Variants in POLR2F observed in about 807,000 individuals in gnomAD.
POLR2F encodes the protein DNA-directed RNA polymerases I, II, and III subunit RPABC2.
POLR2F carries 12 observed loss-of-function variants against 22.7 expected under a neutral mutation model. The observed-to-expected ratio is 0.53, with a 90% CI of 0.34 to 0.86. The LOEUF is 0.86. Among genes scored for constraint, POLR2F ranks in the 40% least tolerant of loss-of-function variants. POLR2F has a pLI of 0.02. For missense variants in POLR2F, 126 were observed against 171.5 expected, an observed-to-expected ratio of 0.73 and a Z score of 1.48; for synonymous variants, 57 against 66.0, an observed-to-expected ratio of 0.86 and a Z score of 0.66.
intron 1 of POLR2F, among the ~76,000 whole-genome samples, chr22:38,002,634 G>A (rs143635830): frequency 1.2e-3 from 190 of 152,360 alleles, no homozygotes; most frequent in African/African-American, 4.0e-3. Context: ...TGGGGGCAAC[G>A]GAGAAGGGCT....
downstream of POLR2F, among the ~76,000 whole-genome samples, chr22:38,027,492 C>A (rs917826839): frequency 6.6e-6 from 1 of 152,090 alleles, no homozygotes; most frequent in Admixed American, 6.5e-5. Flanking sequence ...AGTTCACTGT[C>A]CACAACCTTT....
At chr22:38,030,492 C>A (rs2085054396), downstream of POLR2F, among the ~76,000 whole-genome samples, 1 of 152,148 alleles carries the variant, frequency 6.6e-6, no homozygotes, top group African/African-American at 2.4e-5. Context: ...CAGCGCACTG[C>A]CACACCCTGG....
At chr22:37,994,575 G>T (rs2084693590) in intron 1 of POLR2F, among the ~76,000 whole-genome samples, 1 of 152,166 alleles carries the variant, frequency 6.6e-6, no homozygotes, top group African/African-American at 2.4e-5. Context: ...CTGGAGTGCA[G>T]TGGAGTGATC....
chr22:38,003,162 G>T (rs1023027837), intron 1 of POLR2F, among the ~76,000 whole-genome samples: 3 of 152,218 alleles, frequency 2.0e-5, no homozygotes, highest in African/African-American at 7.2e-5. Flanking sequence ...ACAGGGGAGG[G>T]GTTAGGGTAA....
downstream of POLR2F, chr22:37,971,173 G>C (rs1162014128): frequency 6.0e-5 from 28 of 464,506 alleles, no homozygotes; most frequent in East Asian, 2.0e-3. Context: ...GCAGAAGCAG[G>C]GGCTGCAAAC....
intron 1 of POLR2F, among the ~76,000 whole-genome samples, chr22:38,007,488 G>C (rs763244698): frequency 1.3e-5 from 2 of 152,246 alleles, no homozygotes; most frequent in Non-Finnish European, 2.9e-5. Flanking sequence ...AGGAATGCTG[G>C]GAGCCTGGGA....
chr22:38,005,805 C>CGTCT (rs2084816052), intron 1 of POLR2F, among the ~76,000 whole-genome samples: 1 of 152,210 alleles, frequency 6.6e-6, no homozygotes, highest in Admixed American at 6.5e-5. Context: ...AGAACTTAGA[C>CGTCT]AAGTATAGTC....
At chr22:37,983,383 G>C, upstream of POLR2F, 1 of 1,609,742 alleles carries the variant, frequency 6.2e-7, no homozygotes, top group Non-Finnish European at 8.5e-7. This position sits in a 1 kb window ranked among gnomAD's most constrained non-coding sequence, Gnocchi z 9.5. Context: ...GCGTCTTGCT[G>C]AGCTCAGCGT....
At chr22:38,005,942 G>A (rs1278634618) in intron 1 of POLR2F, among the ~76,000 whole-genome samples, 1 of 152,210 alleles carries the variant, frequency 6.6e-6, no homozygotes. Flanking sequence ...AAAACCTTGG[G>A]CCAGATGTGG....
At position 37,997,918 on chromosome 22, in the gene POLR2F, C is replaced by T. The variant is rs750984470; in HGVS notation, c.120+11606C>T. Among the ~76,000 whole-genome samples the T allele has an allele frequency of 1.2e-4, 19 of 152,180 alleles. No individual in the cohort carries two copies. The highest frequency in any genetic ancestry group is 2.4e-4 in the Non-Finnish European group (16 of 68,032). ...GAGTCATGGACCGCAGGATTTGTAC[C>T]ATCTCCTGGCGCGAGAGCCAGGGTT... On this transcript the variant is annotated intron_variant, in intron 1 of 2. Transcript: ENST00000333418. This position sits in a 1 kb window ranked among gnomAD's most constrained non-coding sequence, Gnocchi z 4.4.
intron 1 of POLR2F, among the ~76,000 whole-genome samples, chr22:37,990,222 T>C (rs1254484540): frequency 6.6e-6 from 1 of 152,178 alleles, no homozygotes; most frequent in South Asian, 2.1e-4. Context: ...AGGATGGCAT[T>C]CCATGGCCTG....
intron 1 of POLR2F, among the ~76,000 whole-genome samples, chr22:38,023,821 C>T (rs1214490386): frequency 6.7e-6 from 1 of 148,766 alleles, no homozygotes; most frequent in Non-Finnish European, 1.5e-5. Flanking sequence ...TACAGGTGCG[C>T]ACCACCACGC....
intron 5 of POLR2F, chr22:38,032,587 G>A (rs549368848): frequency 6.6e-6 from 1 of 152,472 alleles, no homozygotes; most frequent in East Asian, 1.9e-4. Flanking sequence ...CACTGGGCAT[G>A]GGGCAGGGAA....
intron 4 of POLR2F, 121 bp downstream of exon 4, chr22:37,967,291 C>A (rs754391961): frequency 1.9e-6 from 3 of 1,541,472 alleles, no homozygotes; most frequent in Admixed American, 4.1e-5. Flanking sequence ...TCCTACAGAT[C>A]CTTAGGAACA....
At position 37,967,855 on chromosome 22, in the gene POLR2F, C is replaced by T. The variant is rs1367209471; in HGVS notation, c.*140C>T. 1.4e-5 allele frequency: 20 copies of T among 1,421,640 alleles called. No homozygotes were observed. Among genetic ancestry groups the T allele is most frequent in the Middle Eastern group, 2.3e-4 (1 of 4,274 alleles). The allele number at this position is 1,421,640 out of a possible 1,614,324, so 88.1% of individuals were successfully genotyped here. A position where few individuals can be genotyped will look rare whatever the true frequency, so the allele number is the denominator to read the frequency against. On this transcript the variant is annotated 3_prime_UTR_variant, in exon 5 of 5. Transcript: ENST00000442738. ...TCACCACCTGTTGCTTCCCCGTTAC[C>T]GCCATGCTGCGTGGAGCATGCACCT...
chr22:37,983,836 C>T, upstream of POLR2F: 2 of 1,336,154 alleles, frequency 1.5e-6, no homozygotes, highest in Non-Finnish European at 1.9e-6. The surrounding 1 kb of genome is among the most constrained non-coding windows in gnomAD (Gnocchi z 9.5). Flanking sequence ...CCGGGCCAGC[C>T]GCCGGGGTCC....
intron 1 of POLR2F, among the ~76,000 whole-genome samples, chr22:38,021,016 A>C (rs1389981820): frequency 4.6e-5 from 7 of 152,146 alleles, no homozygotes; most frequent in Non-Finnish European, 4.4e-5. Flanking sequence ...GCTCATGGCC[A>C]CTGGCTGGGC....
chr22:37,994,656 C>G (rs1374033659), intron 1 of POLR2F, among the ~76,000 whole-genome samples: 1 of 152,198 alleles, frequency 6.6e-6, no homozygotes, highest in African/African-American at 2.4e-5. Flanking sequence ...GTAGCTGGCA[C>G]TACAGGTGCC....
chr22:38,000,117 G>A (rs767965939), intron 1 of POLR2F, among the ~76,000 whole-genome samples: 2 of 152,190 alleles, frequency 1.3e-5, no homozygotes, highest in African/African-American at 4.8e-5. Context: ...TGGTCCTGCC[G>A]GAACATGATG....
Sources: allele counts gnomAD v4.1 joint callset (sites outside exome capture counted in the v4.1 genomes callset), GRCh38; gene constraint gnomAD v4.1.1; non-coding constraint Gnocchi (gnomAD v3.1); transcripts MANE v1.5; gene names NCBI Gene and HGNC (gene_info 2026-07-23, HGNC 2026-07-21).